DPH6: variants seen among roughly 807,000 people sequenced by gnomAD.
The protein encoded by DPH6 is diphthamine biosynthesis 6, also known as diphthine--ammonia ligase.
Under a neutral mutation model 38.2 loss-of-function variants are expected in DPH6, and 33 were observed. That is an observed-to-expected ratio of 0.86 (90% CI 0.65 to 1.15). The LOEUF (loss-of-function observed/expected upper bound fraction) is 1.15. Ranked by LOEUF, DPH6 falls within the 50% of genes most tolerant of loss-of-function variation. The probability of loss-of-function intolerance (pLI) is 0.00; values close to 1 mark genes in which losing one functional copy is unlikely to be tolerated. For missense variants in DPH6, 325 were observed against 320.0 expected (o/e 1.02, Z -0.12); for synonymous variants, 108 against 103.0 (o/e 1.05, Z -0.30).
intron 3 of DPH6, among the ~76,000 whole-genome samples, chr15:35,255,335 C>A (rs1018677114): frequency 8.5e-5 from 13 of 152,180 alleles, no homozygotes; most frequent in African/African-American, 3.1e-4. Flanking sequence ...ACTTTAAAAT[C>A]TTCAACCATC....
At chr15:35,454,936 G>C in intron 3 of DPH6, 116 bp from the exon 4 acceptor site, 1 of 635,180 alleles carries the variant, frequency 1.6e-6, no homozygotes, top group Non-Finnish European at 2.6e-6. Context: ...TCAAACCAGA[G>C]TAATTTACTG....
intron 3 of DPH6, among the ~76,000 whole-genome samples, chr15:35,459,559 G>C (rs1475548936): frequency 6.6e-6 from 1 of 152,074 alleles, no homozygotes; most frequent in Non-Finnish European, 1.5e-5. Context: ...TACAACTCTG[G>C]TGCTCAAGAC....
intron 3 of DPH6, among the ~76,000 whole-genome samples, chr15:35,350,315 G>T (rs1024584468): frequency 8.0e-6 from 1 of 124,364 alleles, no homozygotes; most frequent in Non-Finnish European, 1.6e-5. Flanking sequence ...TTTTATTACT[G>T]GAGTCTGTTT....
In DPH6 at chr15:35,530,088, T is replaced by C. The variant is rs371365898; in HGVS notation, c.312+8186A>G. On this transcript the variant is annotated intron_variant, in intron 3 of 8. Transcript: ENST00000256538. ...AATAAAGTCATGTGCTTCAAAAATA[T>C]ACAACAACAAAGAAATAAAGCAATT... is the stretch of plus-strand genomic sequence containing the variant. Among the ~76,000 whole-genome samples, 10 of 152,224 alleles carry C rather than the reference T, an allele frequency of 6.6e-5. No individual in the cohort carries two copies. In the South Asian group the frequency reaches 1.4e-3, roughly 22 times the overall value.
intron 3 of DPH6, among the ~76,000 whole-genome samples, chr15:35,277,730 C>CGA (rs2051868763): frequency 1.3e-5 from 2 of 152,068 alleles, no homozygotes; most frequent in South Asian, 4.2e-4. Flanking sequence ...ACTGGGAACG[C>CGA]GAGTAAAGGT....
chr15:35,505,699 C>T (rs1443822), intron 3 of DPH6, among the ~76,000 whole-genome samples: 94,300 of 151,746 alleles, frequency 0.62, 33,319 homozygotes, highest in South Asian at 0.82. Flanking sequence ...AAAATTACAC[C>T]TAAGTCAGTC....
intron 5 of DPH6, among the ~76,000 whole-genome samples, chr15:35,420,446 G>A (rs1767408963): frequency 1.3e-5 from 2 of 151,824 alleles, no homozygotes; most frequent in African/African-American, 2.4e-5. Flanking sequence ...CAAAGATTAG[G>A]GCATAAATAA....
At chr15:35,494,632 C>A (rs1441255398) in intron 3 of DPH6, among the ~76,000 whole-genome samples, 1 of 151,846 alleles carries the variant, frequency 6.6e-6, no homozygotes, top group South Asian at 2.1e-4. Context: ...AACTAAGAAA[C>A]AACACAAAAC....
In DPH6 at chr15:35,283,279, CTCT is replaced by C. The variant is rs202175392; in HGVS notation, n.201-62700_201-62698del. On this transcript the variant is annotated intron_variant and non_coding_transcript_variant, in intron 3 of 3. Coordinates refer to the DPH6 transcript ENST00000560386. Reference sequence around the variant, plus strand: ...CTCTTCTTCTTCTTTCTTCCTCTTCCTCTTCTTCTTCCTCCTCCTCCTCCTCTT... The same window carrying C: ...CTCTTCTTCTTCTTTCTTCCTCTTCCTCTTCTTCCTCCTCCTCCTCCTCTT... Among the ~76,000 whole-genome samples the C allele has an allele frequency of 4.1e-3, 602 of 147,756 alleles. 4 individuals are homozygous for C. Among genetic ancestry groups the C allele is most frequent in the African/African-American group, 0.014 (562 of 39,182 alleles).
chr15:35,456,574 G>A (rs1458727499), intron 3 of DPH6, among the ~76,000 whole-genome samples: 1 of 151,204 alleles, frequency 6.6e-6, no homozygotes, highest in Non-Finnish European at 1.5e-5. Flanking sequence ...TGCAACCTCC[G>A]CCTCCAGGGT....
Position 35,274,983 on chromosome 15 carries a change from C to T in DPH6, n.201-54401G>A, listed in dbSNP as rs1159548165. On this transcript the variant is annotated intron_variant and non_coding_transcript_variant, in intron 3 of 3. Coordinates refer to the DPH6 transcript ENST00000560386. ...AGTCTGGAGTGCAGTGGCGCAATCT[C>T]GGCTCACTGCAAGCTCTGCCTCCCG... 4.6e-5 allele frequency among the ~76,000 whole-genome samples: 7 copies of T among 151,998 alleles called. No homozygotes were observed. The South Asian group carries it at 6.3e-4, about 14-fold the overall frequency.
the DPH6 span, among the ~76,000 whole-genome samples, chr15:35,185,584 A>G: frequency 6.6e-6 from 1 of 152,174 alleles, no homozygotes; most frequent in Non-Finnish European, 1.5e-5. Flanking sequence ...TAGAGTTGCA[A>G]ATAGCAGTGG....
In DPH6 at chr15:35,372,175, G is replaced by A. The variant is rs1320201496; in HGVS notation, c.779C>T (p.Thr260Ile). 3.3e-6 allele frequency: 5 copies of A among 1,520,050 alleles called. No homozygotes were observed. The highest frequency in any genetic ancestry group is 4.4e-6 in the Non-Finnish European group (5 of 1,137,072). The allele number at this position is 1,520,050 out of a possible 1,614,324, so 94.2% of individuals were successfully genotyped here. A position where few individuals can be genotyped will look rare whatever the true frequency, so the allele number is the denominator to read the frequency against. The change falls in exon 9 of 9, where the codon ACA becomes ATA. Residue 260 changes from threonine (T) to isoleucine (I), a missense_variant. By Grantham distance (89) the Thr-to-Ile change is moderately conservative. Coordinates refer to ENST00000256538, the MANE Select transcript of DPH6 (RefSeq NM_080650.4). ...KVSSVPDNYRTSNYIYNF is the reference protein window; with the variant it reads ...KVSSVPDNYRISNYIYNF ...TCAAAAATTATATATATAATTAGAT[G>A]TTCTGTAGTTGTCAGGCACTGAGGA... is the stretch of plus-strand genomic sequence containing the variant.
chr15:35,363,049 T>G (rs941316826), intron 3 of DPH6, among the ~76,000 whole-genome samples: 2 of 152,220 alleles, frequency 1.3e-5, no homozygotes, highest in African/African-American at 2.4e-5. Context: ...AGACTTGTAT[T>G]ATGGCCCTGG....
the DPH6 span, among the ~76,000 whole-genome samples, chr15:35,157,080 T>C: frequency 1.3e-5 from 2 of 152,186 alleles, no homozygotes; most frequent in African/African-American, 4.8e-5. Flanking sequence ...TTCTATAGCA[T>C]GGGATGGGAC....
chr15:35,164,556 A>T, the DPH6 span, among the ~76,000 whole-genome samples: 1 of 151,810 alleles, frequency 6.6e-6, no homozygotes, highest in African/African-American at 2.4e-5. Context: ...ATTCATTCTA[A>T]ATTAAAAGTT....
intron 3 of DPH6, among the ~76,000 whole-genome samples, chr15:35,505,092 A>G (rs2054677417): frequency 6.6e-6 from 1 of 152,138 alleles, no homozygotes; most frequent in Non-Finnish European, 1.5e-5. Context: ...CATTTACCAA[A>G]TGGTTTATCA....
At chr15:35,498,975 TTA>T (rs60104496) in intron 3 of DPH6, among the ~76,000 whole-genome samples, 1 of 150,546 alleles carries the variant, frequency 6.6e-6, no homozygotes, top group African/African-American at 2.4e-5. Context: ...AAGTATCCCG[TTA>T]TATATGTTAA....
At chr15:35,427,852 C>T (rs1423524636) in intron 5 of DPH6, among the ~76,000 whole-genome samples, 3 of 151,844 alleles carry the variant, frequency 2.0e-5, no homozygotes, top group African/African-American at 7.3e-5. Flanking sequence ...AACAAAGTTT[C>T]AGGGACAATT....
Sources: allele counts gnomAD v4.1 joint callset (sites outside exome capture counted in the v4.1 genomes callset), GRCh38; gene constraint gnomAD v4.1.1; transcripts MANE v1.5; gene names NCBI Gene and HGNC (gene_info 2026-07-23, HGNC 2026-07-21).